Variants in VPS53 observed in about 807,000 individuals in gnomAD.
VPS53 encodes VPS53 subunit of GARP complex.
A neutral mutation model predicts 107.0 loss-of-function variants in VPS53; 70 were observed. The ratio of observed to expected loss-of-function variants is 0.65; its 90% confidence interval spans 0.54 to 0.80. The LOEUF is 0.80. VPS53 is among the 30% of genes least tolerant of loss of function. VPS53 has a pLI of 0.00. For missense variants in VPS53, 917 were observed against 1,049.4 expected, an observed-to-expected ratio of 0.87 and a Z score of 1.74; for synonymous variants, 409 against 393.3, an observed-to-expected ratio of 1.04 and a Z score of -0.47.
chr17:649,813 A>G (rs1030426627), intron 7 of VPS53, among the ~76,000 whole-genome samples: 5 of 152,280 alleles, frequency 3.3e-5, no homozygotes, highest in Non-Finnish European at 7.3e-5. Context: ...TAACAAACAC[A>G]TAATTTCTAT....
chr17:686,299 G>C (rs2143824914), intron 4 of VPS53, among the ~76,000 whole-genome samples: 1 of 151,970 alleles, frequency 6.6e-6, no homozygotes, highest in East Asian at 1.9e-4. Flanking sequence ...CAGCCTGAAT[G>C]ACAGAGTGAG....
At chr17:709,137 C>G (rs993653623) in intron 2 of VPS53, among the ~76,000 whole-genome samples, 4 of 152,086 alleles carry the variant, frequency 2.6e-5, no homozygotes, top group South Asian at 2.1e-4. Context: ...TTTAAAGGAC[C>G]CTCCGCAGCA....
At chr17:567,901 G>C (rs551738698) in intron 13 of VPS53, among the ~76,000 whole-genome samples, 14 of 151,672 alleles carry the variant, frequency 9.2e-5, no homozygotes, top group Non-Finnish European at 1.9e-4. Flanking sequence ...GGGAGGGGAG[G>C]GGAGGGGAGG....
intron 10 of VPS53, among the ~76,000 whole-genome samples, chr17:625,521 G>A (rs1047208125): frequency 1.3e-5 from 2 of 150,902 alleles, no homozygotes; most frequent in Non-Finnish European, 2.9e-5. Context: ...AACACCAAGC[G>A]TGAACACTAC....
Position 519,735 on chromosome 17 carries a change from GC to G in VPS53, c.2328+90del, listed in dbSNP as rs1193772744. On this transcript the variant is annotated intron_variant, in intron 21 of 21. Coordinates refer to ENST00000437048, the MANE Select transcript of VPS53 (RefSeq NM_001128159.3). The surrounding 1 kb of genome is among the most constrained non-coding windows in gnomAD (Gnocchi z 5.0). ...AGCCAGGCACATGCATTTTGAGAAA[GC>G]CCCCCCGGAACTTATATCCCAATTC... The G allele has an allele frequency of 9.3e-6, 9 of 967,930 alleles. No individual in the cohort carries two copies. The highest frequency in any genetic ancestry group is 2.2e-4 in the Middle Eastern group (1 of 4,616). The allele number at this position is 967,930 out of a possible 1,614,324, so 60.0% of individuals were successfully genotyped here. A position where few individuals can be genotyped will look rare whatever the true frequency, so the allele number is the denominator to read the frequency against.
chr17:660,318 G>A (rs920919465), intron 5 of VPS53, among the ~76,000 whole-genome samples: 1 of 152,132 alleles, frequency 6.6e-6, no homozygotes, highest in Non-Finnish European at 1.5e-5. Flanking sequence ...TTAGAGTGCT[G>A]ACACAAAGGA....
chr17:650,607 C>T (rs932167904), intron 7 of VPS53, among the ~76,000 whole-genome samples: 14 of 152,180 alleles, frequency 9.2e-5, no homozygotes, highest in Non-Finnish European at 1.9e-4. Context: ...ACAACAATAT[C>T]AAGTGTTGCT....
intron 11 of VPS53, among the ~76,000 whole-genome samples, chr17:602,630 G>A (rs12449713): frequency 0.25 from 37,788 of 152,124 alleles, 4,969 homozygotes; most frequent in Admixed American, 0.33. Flanking sequence ...CCAACCGTGC[G>A]GCACTGGCCC....
chr17:635,025 G>T (rs563781254), intron 7 of VPS53, among the ~76,000 whole-genome samples: 36 of 152,276 alleles, frequency 2.4e-4, no homozygotes, highest in African/African-American at 3.6e-4. Context: ...GTGTAAAATT[G>T]TTCCTATTTC....
intron 11 of VPS53, among the ~76,000 whole-genome samples, chr17:613,981 G>T (rs1969021807): frequency 6.6e-6 from 1 of 152,240 alleles, no homozygotes. Context: ...TCATGGGTAA[G>T]GCTCGCAGAC....
intron 11 of VPS53, among the ~76,000 whole-genome samples, chr17:610,343 T>G (rs1382155163): frequency 1.3e-5 from 2 of 152,146 alleles, no homozygotes; most frequent in Admixed American, 1.3e-4. Flanking sequence ...GAAGCATATT[T>G]TCATATGTGT....
chr17:652,560 C>G (rs570245375), intron 7 of VPS53, among the ~76,000 whole-genome samples: 1 of 152,140 alleles, frequency 6.6e-6, no homozygotes, highest in Non-Finnish European at 1.5e-5. Flanking sequence ...CAAAGAATCC[C>G]AGCAACGGCC....
chr17:573,150 G>C (rs182045309), intron 13 of VPS53, among the ~76,000 whole-genome samples: 1 of 152,354 alleles, frequency 6.6e-6, no homozygotes, highest in East Asian at 1.9e-4. Flanking sequence ...TCAGGAGAAT[G>C]GGCAGATATG....
At chr17:600,113 G>T (rs920034244) in intron 12 of VPS53, 1 of 152,198 alleles carries the variant, frequency 6.6e-6, no homozygotes, top group Admixed American at 6.5e-5. Context: ...GGAGGAAAAA[G>T]TTCCAAGAAA....
At chr17:709,135 A>C (rs1973533660) in intron 2 of VPS53, among the ~76,000 whole-genome samples, 1 of 151,630 alleles carries the variant, frequency 6.6e-6, no homozygotes, top group African/African-American at 2.4e-5. Context: ...TATTTAAAGG[A>C]CCCTCCGCAG....
Position 512,826 on chromosome 17 carries a change from G to C in VPS53, c.*6302C>G, listed in dbSNP as rs1908034918. 1 of 152,058 alleles carries C rather than the reference G, an allele frequency of 6.6e-6. No homozygotes were observed. The highest frequency in any genetic ancestry group is 1.5e-5 in the Non-Finnish European group (1 of 68,028). 9.4% of individuals were successfully genotyped at this position (152,058 alleles called of 1,614,324 possible). A position where few individuals can be genotyped will look rare whatever the true frequency, so the allele number is the denominator to read the frequency against. ...TAAAGGACACAAGACTTCCCAAAGA[G>C]TTTTCATGGCAAAACGTCCATCCAG... On this transcript the variant is annotated 3_prime_UTR_variant, in exon 22 of 22. Transcript: ENST00000437048.
chr17:579,368 C>G (rs551064081), intron 13 of VPS53, among the ~76,000 whole-genome samples: 1 of 151,692 alleles, frequency 6.6e-6, no homozygotes, highest in South Asian at 2.1e-4. Flanking sequence ...TAATGCCTTC[C>G]CAGAGAACCT....
intron 1 of VPS53, among the ~76,000 whole-genome samples, chr17:711,554 T>C (rs148956463): frequency 2.6e-5 from 4 of 152,340 alleles, no homozygotes; most frequent in African/African-American, 4.8e-5. Context: ...ACAGTCTCAA[T>C]GATACGTGCT....
At chr17:654,022 C>T (rs888512413) in intron 6 of VPS53, among the ~76,000 whole-genome samples, 2 of 152,076 alleles carry the variant, frequency 1.3e-5, no homozygotes, top group Admixed American at 6.5e-5. Flanking sequence ...GGTGAAACAC[C>T]GTCTCTACTA....
Sources: allele counts gnomAD v4.1 joint callset (sites outside exome capture counted in the v4.1 genomes callset), GRCh38; gene constraint gnomAD v4.1.1; non-coding constraint Gnocchi (gnomAD v3.1); transcripts MANE v1.5; gene names NCBI Gene and HGNC (gene_info 2026-07-23, HGNC 2026-07-21).